Variants in MORN5 observed in about 807,000 individuals in gnomAD.
The protein encoded by MORN5 is MORN repeat-containing protein 5.
Under a neutral mutation model 22.1 loss-of-function variants are expected in MORN5, and 21 were observed. The ratio of observed to expected loss-of-function variants is 0.95; its 90% CI spans 0.67 to 1.37. MORN5 has a LOEUF of 1.37. MORN5 is among the 40% of genes most tolerant of loss of function. MORN5 has a pLI of 0.00. For synonymous variants in MORN5, 73 were observed against 74.0 expected (o/e 0.99, Z 0.07); for missense variants, 211 against 215.1 (o/e 0.98, Z 0.12).
intron 1 of MORN5, among the ~76,000 whole-genome samples, chr9:122,165,577 G>A (rs573604035): frequency 6.6e-6 from 1 of 151,750 alleles, no homozygotes; most frequent in African/African-American, 2.4e-5. Flanking sequence ...CTGGTCTTGG[G>A]AAAAAAACAA....
intron 4 of MORN5, among the ~76,000 whole-genome samples, chr9:122,192,225 C>T (rs1588316189): frequency 6.6e-6 from 1 of 152,246 alleles, no homozygotes; most frequent in Non-Finnish European, 1.5e-5. Context: ...AAGTCCTACC[C>T]TCACAAGTTA....
chr9:122,166,233 G>A (rs544912523), intron 1 of MORN5, among the ~76,000 whole-genome samples: 74 of 151,808 alleles, frequency 4.9e-4, no homozygotes, highest in African/African-American at 1.3e-3. Context: ...TACAATTCCC[G>A]ATGAGATTTG....
At chr9:122,195,217 A>G (rs1481068994) in intron 4 of MORN5, among the ~76,000 whole-genome samples, 6 of 152,164 alleles carry the variant, frequency 3.9e-5, no homozygotes, top group Admixed American at 3.9e-4. Flanking sequence ...GTTTATTTGA[A>G]AGCAGTTAAA....
chr9:122,173,872 T>G (rs1829404042), intron 3 of MORN5, among the ~76,000 whole-genome samples: 1 of 152,164 alleles, frequency 6.6e-6, no homozygotes, highest in Non-Finnish European at 1.5e-5. Context: ...TCAGTTTTCT[T>G]ATCTGTAAAA....
intron 4 of MORN5, among the ~76,000 whole-genome samples, chr9:122,183,892 A>C (rs1347367673): frequency 6.6e-6 from 1 of 152,232 alleles, no homozygotes; most frequent in African/African-American, 2.4e-5. Context: ...GCCCTTTTGC[A>C]TTTGAACCTG....
intron 4 of MORN5, among the ~76,000 whole-genome samples, chr9:122,185,842 CCTT>C (rs1429713109): frequency 6.6e-6 from 1 of 152,220 alleles, no homozygotes; most frequent in Non-Finnish European, 1.5e-5. Context: ...GGCCGGAACT[CCTT>C]CTGCAAACCC....
At chr9:122,172,014 G>A (rs1431858295) in intron 3 of MORN5, among the ~76,000 whole-genome samples, 2 of 140,172 alleles carry the variant, frequency 1.4e-5, no homozygotes, top group Admixed American at 7.6e-5. Flanking sequence ...GAGTGCAGTG[G>A]TATGATCATA....
intron 4 of MORN5, among the ~76,000 whole-genome samples, chr9:122,193,808 C>T (rs1483564049): frequency 2.0e-5 from 3 of 152,142 alleles, no homozygotes; most frequent in South Asian, 2.1e-4. Flanking sequence ...GAGGCACTGG[C>T]GAGCATGCAC....
intron 4 of MORN5, among the ~76,000 whole-genome samples, chr9:122,182,799 C>G (rs1829556391): frequency 1.3e-5 from 2 of 152,168 alleles, no homozygotes; most frequent in Non-Finnish European, 2.9e-5. Context: ...CCCTGCCACC[C>G]CAAGTGGGTA....
rs1435976202 is a variant in MORN5 at position 122,166,810 on chromosome 9, A to G, written c.90A>G (p.Ile30Met). ...AGTACATCCTCCCTACCGAAACAATATATGTTGGGGAAATGAAGGATGGCA... is the reference window on the plus strand; with the variant it reads ...AGTACATCCTCCCTACCGAAACAATGTATGTTGGGGAAATGAAGGATGGCA... ...KAKYILPTET[I>M]YVGEMKDGMF... The change falls in exon 2 of 5, where the codon ATA (isoleucine) becomes ATG (methionine). Residue 30 changes from isoleucine (I) to methionine (M), a missense_variant. By Grantham distance (10) the Ile-to-Met change is conservative. Coordinates refer to ENST00000373764, the MANE Select transcript of MORN5 (RefSeq NM_198469.4). 1.9e-6 allele frequency: 3 copies of G among 1,613,774 alleles called. No individual in the cohort carries two copies. The highest frequency in any genetic ancestry group is 1.7e-5 in the Admixed American group (1 of 59,982).
chr9:122,195,451 C>G (rs898722670), intron 4 of MORN5, among the ~76,000 whole-genome samples: 1 of 152,188 alleles, frequency 6.6e-6, no homozygotes, highest in African/African-American at 2.4e-5. Flanking sequence ...TGGGGGATAG[C>G]TGTTTCTTAG....
At chr9:122,190,629 C>T (rs1021888491) in intron 4 of MORN5, among the ~76,000 whole-genome samples, 1 of 152,250 alleles carries the variant, frequency 6.6e-6, no homozygotes, top group African/African-American at 2.4e-5. Flanking sequence ...TGGCCCAGCC[C>T]TCCACCCAGC....
chr9:122,164,117 G>A (rs371507963), intron 1 of MORN5, among the ~76,000 whole-genome samples: 5 of 152,284 alleles, frequency 3.3e-5, no homozygotes, highest in Admixed American at 1.3e-4. Context: ...CTATAAAGTG[G>A]TTTTTTTCTT....
chr9:122,166,413 C>T (rs1451893935), intron 1 of MORN5, among the ~76,000 whole-genome samples: 1 of 152,046 alleles, frequency 6.6e-6, no homozygotes, highest in Non-Finnish European at 1.5e-5. Context: ...AATCACAGAA[C>T]TAGCTGCCAG....
intron 1 of MORN5, among the ~76,000 whole-genome samples, chr9:122,165,825 G>A (rs907863241): frequency 2.0e-5 from 3 of 152,126 alleles, no homozygotes; most frequent in Non-Finnish European, 4.4e-5. Flanking sequence ...AAATGTAGGT[G>A]CTCTGTAAAT....
Position 122,175,732 on chromosome 9 carries a change from T to C in MORN5, c.439+1105T>C, listed in dbSNP as rs111370426. 3,398 of 978,704 alleles carry C rather than the reference T, an allele frequency of 3.5e-3. 85 individuals are homozygous for C. The African/African-American group carries it at 0.052, about 15-fold the overall frequency. 60.6% of individuals were successfully genotyped at this position (978,704 alleles called of 1,614,324 possible). A position where few individuals can be genotyped will look rare whatever the true frequency, so the allele number is the denominator to read the frequency against. ...ACTGCCAGGTAGACCAGAACATCTG[T>C]GCTGGTGAATGAGAGCATCCTCTCC... On this transcript the variant is annotated intron_variant, in intron 4 of 4. Transcript: ENST00000373764.
chr9:122,183,547 A>G (rs1273382631), intron 4 of MORN5, among the ~76,000 whole-genome samples: 1 of 152,238 alleles, frequency 6.6e-6, no homozygotes, highest in African/African-American at 2.4e-5. Context: ...TGGAAGACAG[A>G]GAGTGAGCAT....
intron 4 of MORN5, among the ~76,000 whole-genome samples, chr9:122,180,813 C>A (rs1279805299): frequency 1.3e-5 from 2 of 152,164 alleles, no homozygotes; most frequent in Admixed American, 1.3e-4. Flanking sequence ...GTAGAAGTAT[C>A]TTTATTAGCC....
At chr9:122,170,176 A>T (rs1428587563) in intron 3 of MORN5, among the ~76,000 whole-genome samples, 1 of 152,028 alleles carries the variant, frequency 6.6e-6, no homozygotes, top group Non-Finnish European at 1.5e-5. Context: ...CATGCCTGTA[A>T]TCCCAGCTAC....
Sources: gnomAD v4.1 joint callset for allele counts (sites outside exome capture counted in the v4.1 genomes callset) on GRCh38, gnomAD v4.1.1 for gene constraint, MANE v1.5 for transcripts, NCBI Gene and HGNC (gene_info 2026-07-23, HGNC 2026-07-21) for gene names.